Variants in BCL9L observed in about 807,000 individuals in gnomAD.
The protein encoded by BCL9L is BCL9 like.
Under a neutral mutation model 99.4 loss-of-function variants are expected in BCL9L, and 19 were observed. The observed-to-expected ratio is 0.19, with a 90% confidence interval of 0.13 to 0.28. BCL9L has a LOEUF of 0.28. Among genes scored for constraint, BCL9L ranks in the 10% least tolerant of loss-of-function variants. The pLI is 1.00. For missense variants in BCL9L, 2,023 were observed against 2,101.6 expected, an observed-to-expected ratio of 0.96 and a Z score of 0.73; for synonymous variants, 900 against 854.8, an observed-to-expected ratio of 1.05 and a Z score of -0.92.
chr11:118,903,001 T>C lies in BCL9L; in HGVS notation c.823A>G (p.Lys275Glu). 6.3e-7 allele frequency: 1 copy of C among 1,596,226 alleles called. No homozygotes were observed. The highest frequency in any genetic ancestry group is 8.5e-7 in the Non-Finnish European group (1 of 1,175,198). ...AYHQQNVPRA[K>E]LDQAPKVPPT... Reference sequence around the variant, plus strand: ...GGCGCCACGCTCACCTGGTCAAGCTTGGCCCGGGGCACGTTCTGCTGGTGG... The same window carrying C: ...GGCGCCACGCTCACCTGGTCAAGCTCGGCCCGGGGCACGTTCTGCTGGTGG... Residue 275 changes from lysine to glutamate, a missense_variant, in exon 7 of 10, where the codon AAG becomes GAG. Lys to Glu is a moderately conservative substitution (Grantham distance 56). Coordinates refer to ENST00000683865, the MANE Select transcript of BCL9L (RefSeq NM_001378213.1). The surrounding 1 kb of genome is among the most constrained non-coding windows in gnomAD (Gnocchi z 5.6).
In BCL9L at chr11:118,902,521, C is replaced by A; in HGVS notation, c.1222G>T (p.Glu408Ter). Residue 408 changes from glutamate to a stop codon, truncating the protein, a stop_gained, in exon 8 of 10, where the codon GAA (glutamate) becomes TAA (stop). Transcript: ENST00000683865. LOFTEE classifies it high-confidence loss of function. This position sits in a 1 kb window ranked among gnomAD's most constrained non-coding sequence, Gnocchi z 7.8. ...TCTCGCAGCGTCTGGAGGGACCGTT[C>A]CCGATGCTCCAGCTGCTCTTTGGAC... is the stretch of plus-strand genomic sequence containing the variant. ...GLSKEQLEHRERSLQTLRDIE... is the reference protein window; with the variant it reads ...GLSKEQLEHR 6.2e-7 allele frequency: 1 copy of A among 1,605,766 alleles called. No individual in the cohort carries two copies.
At chr11:118,913,359 C>T (rs1373873207) in intron 2 of BCL9L, among the ~76,000 whole-genome samples, 2 of 152,162 alleles carry the variant, frequency 1.3e-5, no homozygotes, top group African/African-American at 2.4e-5. Context: ...GGGTGATCGG[C>T]GGTTTTGCCC....
In BCL9L at chr11:118,898,346, G is replaced by A. The variant is rs1057185817; in HGVS notation, c.*69C>T. On this transcript the variant is annotated 3_prime_UTR_variant, in exon 10 of 10. Transcript: ENST00000683865. The stretch of plus-strand genomic sequence containing the variant: ...CCGCGACCCAGGCCATCCCAACATT[G>A]AGGGGAAGAACTTTGTTAAGGTTAT... 3.4e-6 allele frequency: 4 copies of A among 1,192,382 alleles called. No individual in the cohort carries two copies. In the African/African-American group the frequency reaches 6.6e-5, roughly 20 times the overall value. 73.9% of individuals were successfully genotyped at this position (1,192,382 alleles called of 1,614,324 possible).
Position 118,902,867 on chromosome 11 carries a change from G to A in BCL9L, c.876C>T (p.Ser292=). Residue 292 remains serine (S), a synonymous_variant, in exon 8 of 10, where the codon AGC becomes AGT. Coordinates refer to ENST00000683865, the MANE Select transcript of BCL9L (RefSeq NM_001378213.1). The surrounding 1 kb of genome is among the most constrained non-coding windows in gnomAD (Gnocchi z 7.8). ...ACTGCGGGGTGCCTGCTGACGGCGTGCTCAGGGGTAGCGGTTCTGGGGTGG... is the reference window on the plus strand; with the variant it reads ...ACTGCGGGGTGCCTGCTGACGGCGTACTCAGGGGTAGCGGTTCTGGGGTGG... ...VPPTPEPLPL[S]TPSAGTPQSQ... The A allele has an allele frequency of 1.3e-6, 2 of 1,556,910 alleles. No homozygotes were observed. The highest frequency in any genetic ancestry group is 2.3e-5 in the East Asian group (1 of 44,416).
rs771220757 is a variant in BCL9L at position 118,910,040 on chromosome 11, A to C, written c.-76-25T>G. 1.5e-5 allele frequency: 23 copies of C among 1,547,098 alleles called. 1 individual carries two copies. Among genetic ancestry groups the C allele is most frequent in the Non-Finnish European group, 8.8e-7 (1 of 1,132,876 alleles). On this transcript the variant is annotated intron_variant, in intron 2 of 9. Transcript: ENST00000683865. ...ACTGCAGCAACAAGCCCCAAAGAGA[A>C]AACTCGTGACTTGGGGAGGGGGTGT...
chr11:118,920,862 A>G (rs1941117734), intron 1 of BCL9L, among the ~76,000 whole-genome samples: 1 of 152,190 alleles, frequency 6.6e-6, no homozygotes, highest in African/African-American at 2.4e-5. Context: ...CTTCCCTATC[A>G]AAGGGCAGAG....
At chr11:118,904,441 A>T (rs984883057) in intron 5 of BCL9L, among the ~76,000 whole-genome samples, 5 of 152,204 alleles carry the variant, frequency 3.3e-5, no homozygotes, top group Admixed American at 1.3e-4. Context: ...CTGTCTCAAA[A>T]AAATAAATAA....
rs1167911532 is a variant in BCL9L at position 118,896,634 on chromosome 11, G to A, written c.*1781C>T. The A allele has an allele frequency of 2.0e-5, 3 of 152,982 alleles. No homozygotes were observed. Among genetic ancestry groups the A allele is most frequent in the Admixed American group, 1.3e-4 (2 of 15,298 alleles). The allele number at this position is 152,982 out of a possible 1,614,324, so 9.5% of individuals were successfully genotyped here. ...CAGGGGCCTGTTGTCAGCCCCAGAGGAAGCGCTGGACCTGGCCGATGGTGG... is the reference window on the plus strand; with the variant it reads ...CAGGGGCCTGTTGTCAGCCCCAGAGAAAGCGCTGGACCTGGCCGATGGTGG... On this transcript the variant is annotated 3_prime_UTR_variant, in exon 10 of 10. Coordinates refer to ENST00000683865, the MANE Select transcript of BCL9L (RefSeq NM_001378213.1).
rs756831528 is a variant in BCL9L at position 118,901,294 on chromosome 11, T to G, written c.2449A>C (p.Met817Leu). Residue 817 changes from methionine to leucine, a missense_variant, in exon 8 of 10, where the codon ATG (methionine) becomes CTG (leucine). Physicochemically the swap from Met to Leu is conservative, Grantham distance 15. Coordinates refer to ENST00000683865, the MANE Select transcript of BCL9L (RefSeq NM_001378213.1). The surrounding 1 kb of genome is among the most constrained non-coding windows in gnomAD (Gnocchi z 6.6). ...MGPQGLSPEE[M>L]ARVRAQNSSG... is the part of the protein sequence containing the mutation. ...CTGTTCTGGGCCCGAACCCGGGCCA[T>G]CTCCTCAGGACTGAGGCCCTGGGGC... is the stretch of plus-strand genomic sequence containing the variant. The G allele has an allele frequency of 1.2e-6, 2 of 1,613,958 alleles. No individual in the cohort carries two copies. Among genetic ancestry groups the G allele is most frequent in the Non-Finnish European group, 1.7e-6 (2 of 1,179,984 alleles).
chr11:118,905,595 T>A (rs554380802), intron 5 of BCL9L, among the ~76,000 whole-genome samples: 4 of 149,304 alleles, frequency 2.7e-5, no homozygotes, highest in African/African-American at 9.9e-5. Flanking sequence ...GGCAGGTGTA[T>A]CACCTGAGGT....
intron 2 of BCL9L, among the ~76,000 whole-genome samples, chr11:118,911,518 C>T (rs1248167066): frequency 1.3e-5 from 2 of 152,248 alleles, no homozygotes; most frequent in African/African-American, 4.8e-5. Context: ...GCTTCTCCAT[C>T]ACAACCAGGG....
At chr11:118,908,730 T>G in intron 3 of BCL9L, 75 bp from the exon 4 acceptor site, 5 of 1,337,286 alleles carry the variant, frequency 3.7e-6, no homozygotes, top group Non-Finnish European at 5.1e-6. Context: ...AATTACCCCA[T>G]CCTGCCTCCC....
chr11:118,907,626 G>T, intron 4 of BCL9L, 24 bp from the exon 5 acceptor site: 1 of 1,607,802 alleles, frequency 6.2e-7, no homozygotes. Flanking sequence ...ACGGAGGAAA[G>T]AGTGAGTGCC....
At chr11:118,906,528 C>T (rs1483403342) in intron 5 of BCL9L, among the ~76,000 whole-genome samples, 1 of 152,228 alleles carries the variant, frequency 6.6e-6, no homozygotes, top group Admixed American at 6.5e-5. Context: ...TAACACTGAC[C>T]TCACAGGGCT....
At position 118,897,640 on chromosome 11, in the gene BCL9L, C is replaced by A. The variant is rs1302616891; in HGVS notation, c.*775G>T. 5.3e-6 allele frequency: 2 copies of A among 379,536 alleles called. No homozygotes were observed. Among genetic ancestry groups the A allele is most frequent in the African/African-American group, 2.1e-5 (1 of 47,002 alleles). The allele number at this position is 379,536 out of a possible 1,614,324, so 23.5% of individuals were successfully genotyped here. A position where few individuals can be genotyped will look rare whatever the true frequency, so the allele number is the denominator to read the frequency against. The stretch of plus-strand genomic sequence containing the variant: ...TTGGGGACGAGACAGGAATGGTATC[C>A]CTTAGGGACCCAGAGACACTGCAAA... On this transcript the variant is annotated 3_prime_UTR_variant, in exon 10 of 10. Transcript: ENST00000683865.
chr11:118,899,020 G>T lies in BCL9L; in HGVS notation c.3895C>A (p.Pro1299Thr). Residue 1299 changes from proline (P) to threonine (T), a missense_variant, in exon 10 of 10, where the codon CCT (proline) becomes ACT (threonine). This residue lies in a region of BCL9L where 902 missense variants were observed against 888.2 expected (regional missense o/e 1.02). Coordinates refer to ENST00000683865, the MANE Select transcript of BCL9L (RefSeq NM_001378213.1). ...MGDAYPPGVL[P>T]GVASVLNDPE... ...TCGTTCAGCACTGATGCCACCCCAG[G>T]GAGCACACCCGGTGGGTATGCGTCG... 6.2e-7 allele frequency: 1 copy of T among 1,613,686 alleles called. No individual in the cohort carries two copies.
chr11:118,898,709 C>G lies in BCL9L; in HGVS notation c.4206G>C (p.Arg1402Ser). The change falls in exon 10 of 10, where the codon AGG becomes AGC. Residue 1402 changes from arginine to serine, a missense_variant. Coordinates refer to ENST00000683865, the MANE Select transcript of BCL9L (RefSeq NM_001378213.1). Reference sequence around the variant, plus strand: ...TCCCCTGCTGTGGGGGCACGCCTGTCCTGCCCAGCAAGGACATCTGTCCAG... The same window carrying G: ...TCCCCTGCTGTGGGGGCACGCCTGTGCTGCCCAGCAAGGACATCTGTCCAG... Reference protein sequence around the residue: ...CHPGQMSLLGRTGVPPQQGMV... With the variant: ...CHPGQMSLLGSTGVPPQQGMV... 5 of 1,612,524 alleles carry G rather than the reference C, an allele frequency of 3.1e-6. No homozygotes were observed. Among genetic ancestry groups the G allele is most frequent in the Non-Finnish European group, 4.2e-6 (5 of 1,179,514 alleles).
Position 118,899,436 on chromosome 11 carries a change from A to T in BCL9L, c.3479T>A (p.Leu1160Gln), listed in dbSNP as rs947760984. The T allele has an allele frequency of 6.2e-7, 1 of 1,601,508 alleles. No individual in the cohort carries two copies. Residue 1160 changes from leucine to glutamine, a missense_variant, in exon 10 of 10, where the codon CTG becomes CAG. Leu to Gln is a moderately radical substitution (Grantham distance 113). Transcript: ENST00000683865. ...ATGGGACAGGGGCTGCTGGCCTGGC[A>T]GGTTCATGCCCATAGGGCTCTGGGC... ...AAAQSPMGMNLPGQQPLSHEP... is the reference protein window; with the variant it reads ...AAAQSPMGMNQPGQQPLSHEP...
intron 2 of BCL9L, among the ~76,000 whole-genome samples, chr11:118,918,263 CTGTGTG>C (rs147838469): frequency 0.012 from 1,773 of 148,692 alleles, 35 homozygotes; most frequent in African/African-American, 0.042. Flanking sequence ...AGGGAAGAGG[CTGTGTG>C]TGTGTGTGTG....
Sources: allele counts gnomAD v4.1 joint callset (sites outside exome capture counted in the v4.1 genomes callset), GRCh38; gene constraint gnomAD v4.1.1; regional missense constraint gnomAD v4.1.1; non-coding constraint Gnocchi (gnomAD v3.1); transcripts MANE v1.5; gene names NCBI Gene and HGNC (gene_info 2026-07-23, HGNC 2026-07-21).